Variants in NLRC4 observed in about 807,000 individuals in gnomAD.
NLRC4 encodes the protein NLR family CARD domain-containing protein 4.
NLRC4 carries 63 observed loss-of-function variants against 79.9 expected under a neutral mutation model. That is an observed-to-expected ratio of 0.79 (90% CI 0.64 to 0.97). The LOEUF (loss-of-function observed/expected upper bound fraction) is 0.97, where lower values mean the gene tolerates loss of function less well. Ranked by LOEUF, NLRC4 falls within the 50% of genes least tolerant of loss-of-function variation. NLRC4 has a pLI of 0.00. For missense variants in NLRC4, 1,074 were observed against 1,215.2 expected, an observed-to-expected ratio of 0.88 and a Z score of 1.73; for synonymous variants, 461 against 456.5, an observed-to-expected ratio of 1.01 and a Z score of -0.12.
At chr2:32,234,205 C>T (rs1332050915) in intron 8 of NLRC4, among the ~76,000 whole-genome samples, 2 of 151,948 alleles carry the variant, frequency 1.3e-5, no homozygotes, top group African/African-American at 2.4e-5. Flanking sequence ...CACGGTGAAA[C>T]TCCATCTCTA....
chr2:32,256,770 C>A lies in NLRC4; in HGVS notation c.1+5G>T, dbSNP rs1687216554. 2.6e-6 allele frequency: 2 copies of A among 780,740 alleles called. No individual in the cohort carries two copies. Among genetic ancestry groups the A allele is most frequent in the Non-Finnish European group, 4.8e-6 (2 of 418,028 alleles). The allele number at this position is 780,740 out of a possible 1,614,324, so 48.4% of individuals were successfully genotyped here. On this transcript the variant is annotated splice_donor_5th_base_variant and intron_variant, in intron 2 of 8. Coordinates refer to ENST00000402280, the MANE Select transcript of NLRC4 (RefSeq NM_001199138.2). Reference sequence around the variant, plus strand: ...CCAGGCAGATGTTATTTCTCATATACTTACTTGTTCTGGATGAAAGCTTCC... The same window carrying A: ...CCAGGCAGATGTTATTTCTCATATAATTACTTGTTCTGGATGAAAGCTTCC...
At chr2:32,252,341 C>G in intron 3 of NLRC4, 78 bp downstream of exon 3, 1 of 1,040,214 alleles carries the variant, frequency 9.6e-7, no homozygotes, top group Non-Finnish European at 1.5e-6. Flanking sequence ...AAAGCAGAGG[C>G]TCTGCCATGG....
chr2:32,242,925 G>A (rs1392495406), intron 4 of NLRC4, among the ~76,000 whole-genome samples: 1 of 152,090 alleles, frequency 6.6e-6, no homozygotes, highest in Admixed American at 6.6e-5. Flanking sequence ...GCAGGTGTGA[G>A]TAGTCCTGGC....
chr2:32,227,881 G>C (rs923135168), intron 8 of NLRC4, among the ~76,000 whole-genome samples: 1 of 152,180 alleles, frequency 6.6e-6, no homozygotes, highest in African/African-American at 2.4e-5. Flanking sequence ...GTGGGCTGTG[G>C]AGAGTGCAAA....
chr2:32,250,747 T>C lies in NLRC4; in HGVS notation c.1117A>G (p.Lys373Glu). 1 of 1,614,234 alleles carries C rather than the reference T, an allele frequency of 6.2e-7. No individual in the cohort carries two copies. Among genetic ancestry groups the C allele is most frequent in the Non-Finnish European group, 8.5e-7 (1 of 1,180,044 alleles). The part of the protein sequence containing the change: ...FHTFYDLLIQ[K>E]NKHKHKGVAA... ...ACACCTTTATGTTTGTGTTTGTTTT[T>C]CTGTATCAACAGATCATAGAAGGTA... is the stretch of plus-strand genomic sequence containing the variant. Residue 373 changes from lysine to glutamate, a missense_variant, in exon 4 of 9, where the codon AAA becomes GAA. Physicochemically the swap from Lys to Glu is moderately conservative, Grantham distance 56. Transcript: ENST00000402280. The surrounding 1 kb of genome is among the most constrained non-coding windows in gnomAD (Gnocchi z 4.9).
rs181283285 is a variant in NLRC4, at chr2:32,253,841, G to A, written c.2-1162C>T. Among the ~76,000 whole-genome samples, 53 of 151,260 alleles carry A rather than the reference G, an allele frequency of 3.5e-4. 1 individual carries two copies. Among genetic ancestry groups the A allele is most frequent in the Middle Eastern group, 3.4e-3 (1 of 294 alleles). On this transcript the variant is annotated intron_variant, in intron 2 of 8. Transcript: ENST00000402280. ...TAGCCAGGTGTGGTGGTGCATGCCT[G>A]TAGTGGCAGCTACTCAGGAGGCTGA...
Position 32,224,498 on chromosome 2 carries a change from C to T in NLRC4, c.3050G>A (p.Gly1017Asp). 9.3e-6 allele frequency: 15 copies of T among 1,608,852 alleles called. No individual in the cohort carries two copies. The highest frequency in any genetic ancestry group is 1.3e-5 in the Non-Finnish European group (15 of 1,177,830). Residue 1017 changes from glycine to aspartate, a missense_variant, in exon 9 of 9, where the codon GGT becomes GAT. Transcript: ENST00000402280. ...TTAAGCAGTTACTAGTTTAAAAGCACCTGTAATAACACTGAGATCATCATC... is the reference window on the plus strand; with the variant it reads ...TTAAGCAGTTACTAGTTTAAAAGCATCTGTAATAACACTGAGATCATCATC... ...FDDDDLSVIT[G>D]AFKLVTA is the part of the protein sequence containing the mutation.
chr2:32,257,646 G>A (rs1170183291), intron 1 of NLRC4, among the ~76,000 whole-genome samples: 2 of 150,776 alleles, frequency 1.3e-5, no homozygotes, highest in African/African-American at 4.9e-5. Context: ...AGTAAGATGA[G>A]GCCAGGTAGT....
intron 8 of NLRC4, among the ~76,000 whole-genome samples, chr2:32,233,892 G>A (rs1400336083): frequency 1.3e-5 from 2 of 152,126 alleles, no homozygotes; most frequent in African/African-American, 4.8e-5. Context: ...CGAGTCTCCA[G>A]CTATTGTTGT....
At chr2:32,257,401 A>T (rs1043099769) in intron 1 of NLRC4, among the ~76,000 whole-genome samples, 1 of 152,154 alleles carries the variant, frequency 6.6e-6, no homozygotes, top group Non-Finnish European at 1.5e-5. Context: ...TGAGGTAAGG[A>T]GTTCGAGACC....
In NLRC4 at chr2:32,250,056, G is replaced by A; in HGVS notation, c.1808C>T (p.Pro603Leu). The change falls in exon 4 of 9, where the codon CCC (proline) becomes CTC (leucine). Residue 603 changes from proline to leucine, a missense_variant. Pro to Leu is a moderately conservative substitution (Grantham distance 98). Transcript: ENST00000402280. The surrounding 1 kb of genome is among the most constrained non-coding windows in gnomAD (Gnocchi z 4.9). The stretch of plus-strand genomic sequence containing the variant: ...GAAGTCCAGGGCACTTGCACAATTG[G>A]GCAAATGTTCAAAGAAGTCAAATAA... The part of the protein sequence containing the change: ...DYLFDFFEHL[P>L]NCASALDFIK... 6.2e-7 allele frequency: 1 copy of A among 1,614,154 alleles called. No homozygotes were observed. Among genetic ancestry groups the A allele is most frequent in the Non-Finnish European group, 8.5e-7 (1 of 1,180,014 alleles).
intron 8 of NLRC4, among the ~76,000 whole-genome samples, chr2:32,229,594 C>T (rs1686484528): frequency 6.6e-6 from 1 of 152,160 alleles, no homozygotes; most frequent in South Asian, 2.1e-4. Flanking sequence ...CATGGCAAAG[C>T]TTGGAGATCA....
chr2:32,229,972 A>C (rs757507783), intron 8 of NLRC4, among the ~76,000 whole-genome samples: 4 of 152,210 alleles, frequency 2.6e-5, no homozygotes, highest in Non-Finnish European at 5.9e-5. Context: ...TGATAACCAA[A>C]GGAGGAAGAT....
intron 4 of NLRC4, among the ~76,000 whole-genome samples, 186 bp downstream of exon 4, chr2:32,249,421 C>T (rs1345194616): frequency 6.6e-6 from 1 of 152,178 alleles, no homozygotes; most frequent in Non-Finnish European, 1.5e-5. Context: ...AGTGTCTACC[C>T]CAACCCCTCC....
At position 32,251,591 on chromosome 2, in the gene NLRC4, A is replaced by T; in HGVS notation, c.273T>A (p.His91Gln). Residue 91 changes from histidine to glutamine, a missense_variant, in exon 4 of 9, where the codon CAT becomes CAA. His to Gln is a conservative substitution (Grantham distance 24). Coordinates refer to ENST00000402280, the MANE Select transcript of NLRC4 (RefSeq NM_001199138.2). ...CGTCCAAGTCTCCTTCTGATGTCTGATGAAAAAGACCTATTAGAGAAGAGG... is the reference window on the plus strand; with the variant it reads ...CGTCCAAGTCTCCTTCTGATGTCTGTTGAAAAAGACCTATTAGAGAAGAGG... ...FQDLNGQSLF[H>Q]QTSEGDLDDL... The T allele has an allele frequency of 6.3e-7, 1 of 1,593,418 alleles. No individual in the cohort carries two copies. The highest frequency in any genetic ancestry group is 8.5e-7 in the Non-Finnish European group (1 of 1,170,524).
intron 8 of NLRC4, among the ~76,000 whole-genome samples, chr2:32,226,415 C>G (rs369899987): frequency 6.6e-6 from 1 of 152,220 alleles, no homozygotes; most frequent in South Asian, 2.1e-4. Flanking sequence ...TTCTTCTTTA[C>G]AGACACCTAA....
At chr2:32,235,663 GGCTCTGCAGCCTACTCAATCT>G (rs1686656706) in intron 7 of NLRC4, 95 bp from the exon 8 acceptor site, 3 of 1,036,308 alleles carry the variant, frequency 2.9e-6, no homozygotes, top group Non-Finnish European at 2.8e-6. Flanking sequence ...TATGTTTGGT[GGCTCTGCAGCCTACTCAATCT>G]GTAATGAGAA....
chr2:32,238,333 A>C (rs774449248), intron 5 of NLRC4, 31 bp from the exon 6 acceptor site: 1 of 1,563,572 alleles, frequency 6.4e-7, no homozygotes, highest in Non-Finnish European at 8.7e-7. Flanking sequence ...ATGCATTAGG[A>C]TACCAAGTTA....
chr2:32,252,671 T>G lies in NLRC4; in HGVS notation c.10A>C (p.Ile4Leu). The G allele has an allele frequency of 1.9e-6, 3 of 1,612,384 alleles. No individual in the cohort carries two copies. The highest frequency in any genetic ancestry group is 2.5e-6 in the Non-Finnish European group (3 of 1,178,404). MNF[I>L]KDNSRALIQR... Reference sequence around the variant, plus strand: ...ATAAGGGCTCGGCTATTGTCCTTTATGAAATTCACTGAGGAGATGGGGAGA... The same window carrying G: ...ATAAGGGCTCGGCTATTGTCCTTTAGGAAATTCACTGAGGAGATGGGGAGA... Residue 4 changes from isoleucine to leucine, a missense_variant, in exon 3 of 9, where the codon ATA (isoleucine) becomes CTA (leucine). Coordinates refer to ENST00000402280, the MANE Select transcript of NLRC4 (RefSeq NM_001199138.2).
Sources: gnomAD v4.1 joint callset for allele counts (sites outside exome capture counted in the v4.1 genomes callset) on GRCh38, gnomAD v4.1.1 for gene constraint, Gnocchi (gnomAD v3.1) non-coding constraint, MANE v1.5 for transcripts, NCBI Gene and HGNC (gene_info 2026-07-23, HGNC 2026-07-21) for gene names.